Variants in NBPF11 observed in about 807,000 individuals in gnomAD.
The protein encoded by NBPF11 is NBPF member 11, also known as NBPF family member NBPF11.
A neutral mutation model predicts 93.9 loss-of-function variants in NBPF11; 72 were observed. The observed-to-expected ratio is 0.77, with a 90% CI of 0.63 to 0.93. The LOEUF (loss-of-function observed/expected upper bound fraction) is 0.93. Among genes scored for constraint, NBPF11 ranks in the 40% least tolerant of loss-of-function variants. The pLI is 0.00. For missense variants in NBPF11, 705 were observed against 802.2 expected, an observed-to-expected ratio of 0.88 and a Z score of 1.46; for synonymous variants, 224 against 304.9, an observed-to-expected ratio of 0.73 and a Z score of 2.76.
chr1:148,114,524 C>G (rs1452859852), intron 14 of NBPF11, 36 bp from the exon 15 acceptor site: 12 of 575,658 alleles, frequency 2.1e-5, no homozygotes, highest in Non-Finnish European at 3.4e-5. Flanking sequence ...TCACATTAAG[C>G]AATTCATACT....
intron 6 of NBPF11, among the ~76,000 whole-genome samples, chr1:148,124,541 C>T (rs1350728723): frequency 2.0e-5 from 3 of 151,374 alleles, no homozygotes; most frequent in East Asian, 3.9e-4. Context: ...AATGAGAAGA[C>T]GCAGTCAGTC....
intron 1 of NBPF11, among the ~76,000 whole-genome samples, chr1:148,145,206 T>C (rs1368284858): frequency 0.05 from 5,993 of 118,972 alleles, 67 homozygotes; most frequent in East Asian, 0.096. Context: ...TCTTTCTTTT[T>C]TTTTTTTTTT....
At chr1:148,150,567 C>CA in intron 1 of NBPF11, among the ~76,000 whole-genome samples, 1 of 151,376 alleles carries the variant, frequency 6.6e-6, no homozygotes. Context: ...AATTTAAAAA[C>CA]AAAAAGAAAG....
intron 3 of NBPF11, among the ~76,000 whole-genome samples, chr1:148,137,276 T>G (rs1671459189): frequency 6.6e-6 from 1 of 151,550 alleles, no homozygotes; most frequent in African/African-American, 2.4e-5. Context: ...TTGTTATTGG[T>G]TGAAAGATGA....
intron 1 of NBPF11, among the ~76,000 whole-genome samples, chr1:148,145,316 A>G (rs1471266565): frequency 1.0e-4 from 15 of 142,934 alleles, no homozygotes; most frequent in African/African-American, 3.8e-4. Context: ...GGTTCAAGCA[A>G]TTCTCCTGCC....
chr1:148,141,647 A>G (rs1482852377), intron 2 of NBPF11, among the ~76,000 whole-genome samples: 13 of 151,846 alleles, frequency 8.6e-5, no homozygotes, highest in Non-Finnish European at 1.9e-4. Context: ...GAACACAGCT[A>G]GCAGATCAGT....
chr1:148,122,400 G>A (rs1668079899), intron 8 of NBPF11, 134 bp from the exon 9 acceptor site: 4 of 1,447,776 alleles, frequency 2.8e-6, no homozygotes, highest in Non-Finnish European at 2.9e-6. Flanking sequence ...CCCTTTAAGA[G>A]GGAACAGGCA....
At chr1:148,139,397 A>G (rs1239721921) in intron 2 of NBPF11, among the ~76,000 whole-genome samples, 1 of 147,732 alleles carries the variant, frequency 6.8e-6, no homozygotes, top group Non-Finnish European at 1.5e-5. Context: ...AAATGTAAAT[A>G]TAATGAAATC....
rs1300701547 is a variant in NBPF11, at chr1:148,146,688, T to C, written c.-548-3002A>G. The C allele has an allele frequency of 1.3e-3, 2,075 of 1,608,192 alleles. No homozygotes were observed. In the East Asian group the frequency reaches 0.013, roughly 10 times the overall value. ...CCACCAAGAGCGCCCGCGGCAACCG[T>C]GTCTCCTGCATGTATGTTCGCTGCG... On this transcript the variant is annotated intron_variant, in intron 1 of 23. Coordinates refer to ENST00000682118, the MANE Select transcript of NBPF11 (RefSeq NM_001385469.3).
intron 1 of NBPF11, chr1:148,146,406 G>C: frequency 1.9e-6 from 3 of 1,601,388 alleles, no homozygotes; most frequent in Non-Finnish European, 2.5e-6. Context: ...TGAACGGGCT[G>C]TCGCTGAGTG....
intron 22 of NBPF11, among the ~76,000 whole-genome samples, chr1:148,104,896 CA>C (rs1274601604): frequency 6.7e-6 from 1 of 148,320 alleles, no homozygotes; most frequent in South Asian, 2.1e-4. Context: ...CAAGTTTGTG[CA>C]AACAGTTATG....
chr1:148,132,234 CAT>C (rs371074213), intron 4 of NBPF11, among the ~76,000 whole-genome samples: 18,191 of 113,320 alleles, frequency 0.16, 1,034 homozygotes, highest in East Asian at 0.3. Context: ...CACACACACA[CAT>C]GTTTGTGTGT....
At chr1:148,148,393 C>T (rs1487107970) in intron 1 of NBPF11, among the ~76,000 whole-genome samples, 2 of 152,238 alleles carry the variant, frequency 1.3e-5, no homozygotes, top group Admixed American at 1.3e-4. Flanking sequence ...AGGTGGGTCC[C>T]GCGTGCTTGG....
At position 148,146,737 on chromosome 1, in the gene NBPF11, C is replaced by T; in HGVS notation, c.-548-3051G>A. 2.5e-6 allele frequency: 4 copies of T among 1,612,506 alleles called. No individual in the cohort carries two copies. In the South Asian group the frequency reaches 3.3e-5, roughly 13 times the overall value. On this transcript the variant is annotated intron_variant, in intron 1 of 23. Coordinates refer to ENST00000682118, the MANE Select transcript of NBPF11 (RefSeq NM_001385469.3). Reference sequence around the variant, plus strand: ...CGTGCCTGGTGCCAGGTACACGGTCCTCTTCTCGCACGGCAATGCCGTGGA... The same window carrying T: ...CGTGCCTGGTGCCAGGTACACGGTCTTCTTCTCGCACGGCAATGCCGTGGA...
At chr1:148,115,597 T>C (rs1310716850) in intron 14 of NBPF11, among the ~76,000 whole-genome samples, 196 bp downstream of exon 14, 3 of 151,692 alleles carry the variant, frequency 2.0e-5, no homozygotes, top group African/African-American at 4.9e-5. Flanking sequence ...TTGCCTGGGG[T>C]CGAGTAACTT....
At chr1:148,104,102 C>CAGAGAG (rs1193776076) in intron 23 of NBPF11, among the ~76,000 whole-genome samples, 190 bp from the exon 24 acceptor site, 1 of 139,860 alleles carries the variant, frequency 7.2e-6, no homozygotes, top group African/African-American at 2.8e-5. Flanking sequence ...AAGAGAAAGA[C>CAGAGAG]AGAGAGAGAG....
rs1232555613 is a variant in NBPF11, at chr1:148,139,216, A to G, written c.-276-1407T>C. On this transcript the variant is annotated intron_variant, in intron 2 of 23. Coordinates refer to ENST00000682118, the MANE Select transcript of NBPF11 (RefSeq NM_001385469.3). Reference sequence around the variant, plus strand: ...AAATTCCTTTTCTTGTGCTCACCAGACAAGGTTTGGTAACAAATACCAGTC... The same window carrying G: ...AAATTCCTTTTCTTGTGCTCACCAGGCAAGGTTTGGTAACAAATACCAGTC... Among the ~76,000 whole-genome samples the G allele has an allele frequency of 4.1e-3, 619 of 151,146 alleles. 17 individuals carry two copies. Among genetic ancestry groups the G allele is most frequent in the African/African-American group, 0.014 (563 of 40,560 alleles).
intron 1 of NBPF11, among the ~76,000 whole-genome samples, chr1:148,144,092 T>C (rs1277302220): frequency 6.6e-6 from 1 of 151,822 alleles, no homozygotes; most frequent in Non-Finnish European, 1.5e-5. Flanking sequence ...TTTCACAAAG[T>C]AAGGAATATT....
intron 2 of NBPF11, among the ~76,000 whole-genome samples, chr1:148,139,860 G>A (rs1479905767): frequency 0.049 from 6,357 of 128,952 alleles, 235 homozygotes; most frequent in East Asian, 0.14. Flanking sequence ...ATATTGACAG[G>A]TTACTAGAAG....
Sources: gnomAD v4.1 joint callset for allele counts (sites outside exome capture counted in the v4.1 genomes callset) on GRCh38, gnomAD v4.1.1 for gene constraint, MANE v1.5 for transcripts, NCBI Gene and HGNC (gene_info 2026-07-23, HGNC 2026-07-21) for gene names.